Variants in PFKFB3 observed in about 807,000 individuals in gnomAD.
PFKFB3 encodes the protein 6-phosphofructo-2-kinase/fructose-2,6-bisphosphatase 3.
PFKFB3 carries 33 observed loss-of-function variants against 68.0 expected under a neutral mutation model. The observed-to-expected ratio is 0.49, with a 90% CI of 0.37 to 0.65. The LOEUF (loss-of-function observed/expected upper bound fraction) is 0.65. PFKFB3 is among the 30% of genes least tolerant of loss of function. The pLI, the probability that PFKFB3 is intolerant of heterozygous loss-of-function variation, is 0.00. For synonymous variants in PFKFB3, 315 were observed against 288.2 expected (o/e 1.09, Z -0.94); for missense variants, 586 against 712.2 (o/e 0.82, Z 2.02).
chr10:6,211,605 G>A (rs1358206963), intron 1 of PFKFB3, among the ~76,000 whole-genome samples: 3 of 152,200 alleles, frequency 2.0e-5, no homozygotes, highest in Admixed American at 2.0e-4. Flanking sequence ...CTCTCCGTGT[G>A]CCCCTGGGGA....
At chr10:6,231,262 G>C in intron 14 of PFKFB3, 1 of 1,604,366 alleles carries the variant, frequency 6.2e-7, no homozygotes, top group East Asian at 2.2e-5. Context: ...CTGCTTGAAA[G>C]ACGAACTGTC....
intron 1 of PFKFB3, among the ~76,000 whole-genome samples, chr10:6,176,725 A>G (rs1842485400): frequency 6.6e-6 from 1 of 152,086 alleles, no homozygotes. Flanking sequence ...TTGAAAAGTG[A>G]CTTGGGTGCC....
chr10:6,194,563 C>T (rs1843121808), intron 1 of PFKFB3, among the ~76,000 whole-genome samples: 1 of 152,174 alleles, frequency 6.6e-6, no homozygotes, highest in Non-Finnish European at 1.5e-5. Context: ...GGGGGCATTT[C>T]CAGGAAGATC....
chr10:6,195,284 C>T (rs933978508), intron 1 of PFKFB3, among the ~76,000 whole-genome samples: 12 of 152,188 alleles, frequency 7.9e-5, no homozygotes, highest in African/African-American at 2.9e-4. Context: ...GCCATGTTTC[C>T]CCTACCCTGA....
intron 9 of PFKFB3, 35 bp downstream of exon 9, chr10:6,221,562 T>C: frequency 6.2e-7 from 1 of 1,612,224 alleles, no homozygotes; most frequent in Non-Finnish European, 8.5e-7. Context: ...AGCCTCACCC[T>C]CGGGCATGGG....
intron 13 of PFKFB3, chr10:6,225,170 A>C: frequency 2.2e-6 from 1 of 456,314 alleles, no homozygotes; most frequent in Non-Finnish European, 4.4e-6. Context: ...GGCTGCCAAA[A>C]GTACAACACT....
intron 1 of PFKFB3, among the ~76,000 whole-genome samples, chr10:6,194,131 G>A (rs887938473): frequency 1.3e-5 from 2 of 152,186 alleles, no homozygotes; most frequent in Admixed American, 6.6e-5. Context: ...GTCTAGACGA[G>A]GTGTAGAGAG....
the PFKFB3 span, among the ~76,000 whole-genome samples, chr10:6,313,539 C>T: frequency 3.3e-5 from 5 of 151,900 alleles, no homozygotes; most frequent in African/African-American, 9.7e-5. The surrounding 1 kb of genome is among the most constrained non-coding windows in gnomAD (Gnocchi z 4.2). Context: ...TTCACAGCCC[C>T]TCCTCTGCCA....
chr10:6,302,066 T>C, the PFKFB3 span, among the ~76,000 whole-genome samples: 1 of 151,688 alleles, frequency 6.6e-6, no homozygotes, highest in African/African-American at 2.4e-5. Flanking sequence ...TTTTCTTTTT[T>C]TTTTTTGAAA....
chr10:6,227,565 G>C (rs1460666463), intron 14 of PFKFB3, among the ~76,000 whole-genome samples: 1 of 152,230 alleles, frequency 6.6e-6, no homozygotes, highest in Admixed American at 6.5e-5. Context: ...CAGTGCAGAA[G>C]TCAGATCAGA....
rs1054286873 is a variant in PFKFB3 at position 6,203,168 on chromosome 10, C to T, written c.-93C>T. The T allele has an allele frequency of 2.6e-6, 4 of 1,535,332 alleles. No individual in the cohort carries two copies. The highest frequency in any genetic ancestry group is 2.6e-5 in the East Asian group (1 of 37,904). ...CGGCCGCGCGCCGGCGCACGCCCCCCTCTCCTCCTTTGTTCCGGGGGTCGG... is the reference window on the plus strand; with the variant it reads ...CGGCCGCGCGCCGGCGCACGCCCCCTTCTCCTCCTTTGTTCCGGGGGTCGG... On this transcript the variant is annotated 5_prime_UTR_variant, in exon 1 of 15. Coordinates refer to ENST00000379775, the MANE Select transcript of PFKFB3 (RefSeq NM_004566.4).
chr10:6,292,283 T>C, the PFKFB3 span, among the ~76,000 whole-genome samples: 2 of 117,616 alleles, frequency 1.7e-5, no homozygotes, highest in Admixed American at 8.2e-5. Flanking sequence ...TTTTTCTTTT[T>C]TTTTTTTTTT....
intron 14 of PFKFB3, among the ~76,000 whole-genome samples, chr10:6,244,083 G>A (rs973530253): frequency 5.9e-5 from 9 of 152,000 alleles, no homozygotes; most frequent in African/African-American, 1.9e-4. Context: ...TAGTCTTGAA[G>A]TCCTGGGCTC....
At chr10:6,222,139 C>T (rs933342505) in intron 10 of PFKFB3, among the ~76,000 whole-genome samples, 3 of 152,064 alleles carry the variant, frequency 2.0e-5, no homozygotes, top group East Asian at 1.9e-4. Flanking sequence ...ATGGGATCCT[C>T]CTGGGCCTGG....
At chr10:6,237,772 C>T (rs1416867179), downstream of PFKFB3, among the ~76,000 whole-genome samples, 1 of 152,100 alleles carries the variant, frequency 6.6e-6, no homozygotes, top group Non-Finnish European at 1.5e-5. Flanking sequence ...CGCCATGTTG[C>T]CCAGGCTGGT....
chr10:6,155,291 C>T (rs892644441), intron 1 of PFKFB3, among the ~76,000 whole-genome samples: 9 of 151,504 alleles, frequency 5.9e-5, no homozygotes, highest in Non-Finnish European at 1.2e-4. Flanking sequence ...CAAGCTCCGC[C>T]TCCCGGGTTC....
the PFKFB3 span, among the ~76,000 whole-genome samples, chr10:6,302,019 C>T: frequency 3.6e-4 from 55 of 151,960 alleles, no homozygotes; most frequent in Middle Eastern, 0.01. Flanking sequence ...GTTATTTATA[C>T]GAAGGTAACA....
At chr10:6,145,526 C>G (rs1375093886) in intron 1 of PFKFB3, among the ~76,000 whole-genome samples, 1 of 152,074 alleles carries the variant, frequency 6.6e-6, no homozygotes, top group African/African-American at 2.4e-5. Flanking sequence ...GGCGGCGGGG[C>G]CCGGGGTCCT....
intron 14 of PFKFB3, among the ~76,000 whole-genome samples, chr10:6,246,327 TTTATTA>T (rs58641525): frequency 1.6e-3 from 247 of 149,720 alleles, no homozygotes; most frequent in African/African-American, 5.6e-3. Context: ...ATTTATTTTA[TTTATTA>T]TTATTATTAT....
Sources: allele counts gnomAD v4.1 joint callset (sites outside exome capture counted in the v4.1 genomes callset), GRCh38; gene constraint gnomAD v4.1.1; non-coding constraint Gnocchi (gnomAD v3.1); transcripts MANE v1.5; gene names NCBI Gene and HGNC (gene_info 2026-07-23, HGNC 2026-07-21).